Variants in NUTM1 observed in about 807,000 individuals in gnomAD.
NUTM1 encodes the protein NUT midline carcinoma family member 1, also known as NUT family member 1.
A neutral mutation model predicts 88.7 loss-of-function variants in NUTM1; 39 were observed. The ratio of observed to expected loss-of-function variants is 0.44; its 90% CI spans 0.34 to 0.57. The LOEUF is 0.57. Ranked by LOEUF, NUTM1 falls within the 20% of genes least tolerant of loss-of-function variation. The probability of loss-of-function intolerance (pLI) is 0.01; values close to 1 mark genes in which losing one functional copy is unlikely to be tolerated. For missense variants in NUTM1, 1,350 were observed against 1,414.5 expected, an observed-to-expected ratio of 0.95 and a Z score of 0.73; for synonymous variants, 494 against 538.0, an observed-to-expected ratio of 0.92 and a Z score of 1.13.
chr15:34,347,982 G>A lies in NUTM1; in HGVS notation c.114G>A (p.Pro38=), dbSNP rs781734528. ...RMASDGASAL[P]GPDMSMKPSA... is the part of the protein sequence containing the mutation. ...TTGTCTCAACAGCATCTGCATTGCC[G>A]GGACCGGATATGAGCATGAAACCTA... The change falls in exon 3 of 8, where the codon CCG becomes CCA. Residue 38 remains proline (P), a synonymous_variant. Transcript: ENST00000537011. The A allele has an allele frequency of 2.0e-5, 32 of 1,607,646 alleles. No homozygotes were observed. The highest frequency in any genetic ancestry group is 2.6e-5 in the Non-Finnish European group (31 of 1,175,506).
At chr15:34,354,893 G>T in intron 6 of NUTM1, 128 bp from the exon 7 acceptor site, 1 of 1,010,836 alleles carries the variant, frequency 9.9e-7, no homozygotes, top group East Asian at 2.4e-5. Context: ...GTAGCCGGTG[G>T]TGGTCAGTTT....
intron 6 of NUTM1, 89 bp from the exon 7 acceptor site, chr15:34,354,932 T>C: frequency 9.1e-7 from 1 of 1,097,456 alleles, no homozygotes; most frequent in South Asian, 1.3e-5. Context: ...GAGGGGAGAG[T>C]TGGGGAGCTC....
chr15:34,347,299 C>G (rs982986128), intron 2 of NUTM1, among the ~76,000 whole-genome samples: 1 of 151,634 alleles, frequency 6.6e-6, no homozygotes, highest in Non-Finnish European at 1.5e-5. Flanking sequence ...CCTTTGTCAC[C>G]GAGGCTGGAG....
chr15:34,347,403 G>A (rs147181973), intron 2 of NUTM1, among the ~76,000 whole-genome samples: 81 of 152,082 alleles, frequency 5.3e-4, no homozygotes, highest in African/African-American at 1.8e-3. Flanking sequence ...GACTACAGGT[G>A]CATGCCACCG....
Position 34,353,812 on chromosome 15 carries a change from G to T in NUTM1, c.1015G>T (p.Ala339Ser). The stretch of plus-strand genomic sequence containing the variant: ...GAATGGGTCTCAGGGCCTGTCTCCT[G>T]CAACCCCTTTGAAACTTGATCCTCT... ...LMNGSQGLSPATPLKLDPLGP... is the reference protein window; with the variant it reads ...LMNGSQGLSPSTPLKLDPLGP... The change falls in exon 5 of 8, where the codon GCA becomes TCA. Residue 339 changes from alanine (A) to serine (S), a missense_variant. Ala to Ser is a moderately conservative substitution (Grantham distance 99, BLOSUM62 1). Transcript: ENST00000537011. 1 of 1,614,110 alleles carries T rather than the reference G, an allele frequency of 6.2e-7. No individual in the cohort carries two copies. Among genetic ancestry groups the T allele is most frequent in the Non-Finnish European group, 8.5e-7 (1 of 1,180,006 alleles).
rs1444632487 is a variant in NUTM1, at chr15:34,348,417, T to C, written c.549T>C (p.Pro183=). The C allele has an allele frequency of 6.2e-7, 1 of 1,614,158 alleles. No homozygotes were observed. Among genetic ancestry groups the C allele is most frequent in the South Asian group, 1.1e-5 (1 of 91,080 alleles). ...CTGTTGGTGTCAGCCAGGAGGGTCC[T>C]CCAGGCCTTCCGCCTCAGCCTCCAC... ...SKAVGVSQEG[P]PGLPPQPPPP... Residue 183 remains proline, a synonymous_variant, in exon 3 of 8, where the codon CCT becomes CCC. Transcript: ENST00000537011.
At chr15:34,348,735 G>T (rs1890656429) in intron 3 of NUTM1, 58 bp downstream of exon 3, 1 of 1,277,326 alleles carries the variant, frequency 7.8e-7, no homozygotes, top group Admixed American at 1.8e-5. Flanking sequence ...GAGGACTTTG[G>T]GGTGAACATA....
rs148348942 is a variant in NUTM1 at position 34,348,579 on chromosome 15, C to T, written c.711C>T (p.Asp237=). 1.3e-3 allele frequency: 2,079 copies of T among 1,613,462 alleles called. 22 individuals are homozygous for T. The highest frequency in any genetic ancestry group is 1.3e-3 in the Admixed American group (81 of 60,026). The stretch of plus-strand genomic sequence containing the variant: ...GTGACCGCTCCAAAATTTCCAAGGA[C>T]GTTTATGAGAACTTCCGTCAGTGGC... ...SLGDRSKISK[D]VYENFRQWQR... The change falls in exon 3 of 8, where the codon GAC becomes GAT. Residue 237 remains aspartate (D), a synonymous_variant. Coordinates refer to ENST00000537011, the MANE Select transcript of NUTM1 (RefSeq NM_001284292.2).
In NUTM1 at chr15:34,357,220, CAGG is replaced by C. The variant is rs1377032269; in HGVS notation, c.3216_3218del (p.Gly1073del). On this transcript the variant is annotated inframe_deletion, in exon 8 of 8. Coordinates refer to ENST00000537011, the MANE Select transcript of NUTM1 (RefSeq NM_001284292.2). ...CATCCCCTCAGTCCTCACCATGCCTCAGGAGGTCAGGGCAGCCAGAGAGCATCC... is the reference window on the plus strand; with the variant it reads ...CATCCCCTCAGTCCTCACCATGCCTCAGGTCAGGGCAGCCAGAGAGCATCC... The C allele has an allele frequency of 1.2e-6, 2 of 1,614,170 alleles. No homozygotes were observed. Among genetic ancestry groups the C allele is most frequent in the East Asian group, 2.2e-5 (1 of 44,886 alleles).
At chr15:34,350,855 C>A (rs200775896) in intron 4 of NUTM1, 23 bp downstream of exon 4, 31 of 1,613,440 alleles carry the variant, frequency 1.9e-5, no homozygotes, top group Non-Finnish European at 2.5e-5. Flanking sequence ...AACCTTCATT[C>A]TCCTGAGGGA....
chr15:34,348,077 C>G lies in NUTM1; in HGVS notation c.209C>G (p.Pro70Arg). The change falls in exon 3 of 8, where the codon CCC becomes CGC. Residue 70 changes from proline to arginine, a missense_variant. Physicochemically the swap from Pro to Arg is moderately radical, Grantham distance 103 (BLOSUM62 -2). Coordinates refer to ENST00000537011, the MANE Select transcript of NUTM1 (RefSeq NM_001284292.2). ...ACTTCTGACCCACCAGACCACCCAC[C>G]CAGGGAGCCACCTCCACAGCCCATC... ...PPTSDPPDHP[P>R]REPPPQPIMP... 6.2e-7 allele frequency: 1 copy of G among 1,614,098 alleles called. No individual in the cohort carries two copies. Among genetic ancestry groups the G allele is most frequent in the Non-Finnish European group, 8.5e-7 (1 of 1,179,994 alleles).
chr15:34,343,326 T>C lies in NUTM1; in HGVS notation c.-371T>C. ...CACGTGGAGTGTCCCTACTGTGTGC[T>C]AGGTACACGGCGTTAGAGGGGGGTA... On this transcript the variant is annotated 5_prime_UTR_variant, in exon 1 of 8. Transcript: ENST00000537011. The C allele has an allele frequency of 1.6e-6, 1 of 631,656 alleles. No individual in the cohort carries two copies. Among genetic ancestry groups the C allele is most frequent in the East Asian group, 2.8e-5 (1 of 36,352 alleles). The allele number at this position is 631,656 out of a possible 1,614,324, so 39.1% of individuals were successfully genotyped here. A position where few individuals can be genotyped will look rare whatever the true frequency, so the allele number is the denominator to read the frequency against.
At position 34,348,288 on chromosome 15, in the gene NUTM1, T is replaced by G; in HGVS notation, c.420T>G (p.Thr140=). The G allele has an allele frequency of 6.2e-7, 1 of 1,614,254 alleles. No individual in the cohort carries two copies. The highest frequency in any genetic ancestry group is 8.5e-7 in the Non-Finnish European group (1 of 1,180,032). Residue 140 remains threonine, a synonymous_variant, in exon 3 of 8, where the codon ACT becomes ACG. Transcript: ENST00000537011. ...SQTQNFILTQ[T]ALNSTAPGTP... ...CTCAGAACTTTATCCTTACTCAGAC[T>G]GCCCTCAATTCGACTGCCCCGGGCA...
Position 34,348,188 on chromosome 15 carries a change from G to A in NUTM1, c.320G>A (p.Cys107Tyr). 6.2e-7 allele frequency: 1 copy of A among 1,614,220 alleles called. No homozygotes were observed. ...TTGGTGACAGGGGATGGGGGCCCTT[G>A]CCTCAGTGGGGCTGGGGCTGGCAAG... ...SLLVTGDGGPCLSGAGAGKVI... is the reference protein window; with the variant it reads ...SLLVTGDGGPYLSGAGAGKVI... Residue 107 changes from cysteine (C) to tyrosine (Y), a missense_variant, in exon 3 of 8, where the codon TGC (cysteine) becomes TAC (tyrosine). Physicochemically the swap from Cys to Tyr is radical, Grantham distance 194 (BLOSUM62 -2). Coordinates refer to ENST00000537011, the MANE Select transcript of NUTM1 (RefSeq NM_001284292.2).
At chr15:34,352,372 AG>A (rs1447159696) in intron 4 of NUTM1, among the ~76,000 whole-genome samples, 1 of 152,062 alleles carries the variant, frequency 6.6e-6, no homozygotes, top group Non-Finnish European at 1.5e-5. Flanking sequence ...GGTTGTAGGC[AG>A]GGGCAAATGA....
chr15:34,345,829 C>T (rs8031961), intron 1 of NUTM1, 113 bp from the exon 2 acceptor site: 187,870 of 1,451,224 alleles, frequency 0.13, 13,388 homozygotes, highest in East Asian at 0.3. Flanking sequence ...CCTCACCCCA[C>T]TTTTCCCTCT....
rs201347698 is a variant in NUTM1 at position 34,357,275 on chromosome 15, C to G, written c.3267C>G (p.Gly1089=). The part of the protein sequence containing the change: ...ASHLLPAGAK[G]PSKLPYPVAK... ...ACCTGCTCCCTGCTGGAGCAAAAGG[C>G]CCCAGCAAACTTCCATATCCTGTTG... Residue 1089 remains glycine, a synonymous_variant, in exon 8 of 8, where the codon GGC becomes GGG. Coordinates refer to ENST00000537011, the MANE Select transcript of NUTM1 (RefSeq NM_001284292.2). 1 of 1,614,050 alleles carries G rather than the reference C, an allele frequency of 6.2e-7. No homozygotes were observed. The highest frequency in any genetic ancestry group is 1.1e-5 in the South Asian group (1 of 91,066).
chr15:34,353,074 A>G (rs973835059), intron 4 of NUTM1, among the ~76,000 whole-genome samples: 5 of 151,410 alleles, frequency 3.3e-5, no homozygotes, highest in Non-Finnish European at 7.4e-5. Flanking sequence ...TTTAGTAGAG[A>G]CGGGGTTTCA....
intron 1 of NUTM1, among the ~76,000 whole-genome samples, chr15:34,345,430 C>T (rs964890720): frequency 6.6e-6 from 1 of 152,180 alleles, no homozygotes; most frequent in African/African-American, 2.4e-5. Flanking sequence ...GATGTGCACA[C>T]AGCAATCGAG....
Sources: gnomAD v4.1 joint callset for allele counts (sites outside exome capture counted in the v4.1 genomes callset) on GRCh38, gnomAD v4.1.1 for gene constraint, MANE v1.5 for transcripts, NCBI Gene and HGNC (gene_info 2026-07-23, HGNC 2026-07-21) for gene names.